PPP3CA: variants seen among roughly 807,000 people sequenced by gnomAD.
PPP3CA encodes the protein CAM-PRP catalytic subunit.
PPP3CA carries 14 observed loss-of-function variants against 66.5 expected under a neutral mutation model. That is an observed-to-expected ratio of 0.21 (90% CI 0.14 to 0.33). The LOEUF is 0.33. PPP3CA is among the 10% of genes least tolerant of loss of function. The pLI, the probability that PPP3CA is intolerant of heterozygous loss-of-function variation, is 1.00. For missense variants in PPP3CA, 317 were observed against 639.5 expected (o/e 0.50, Z 5.44); for synonymous variants, 232 against 226.2 (o/e 1.03, Z -0.23).
chr4:101,266,626 A>C (rs1429599038), intron 1 of PPP3CA, among the ~76,000 whole-genome samples: 1 of 152,166 alleles, frequency 6.6e-6, no homozygotes, highest in African/African-American at 2.4e-5. Context: ...AAACATGAAG[A>C]AATTTCTTTA....
intron 1 of PPP3CA, among the ~76,000 whole-genome samples, chr4:101,210,770 A>G (rs191643585): frequency 1.3e-5 from 2 of 152,302 alleles, no homozygotes; most frequent in East Asian, 3.9e-4. Context: ...AATATAAAAC[A>G]TTCGCTGCCA....
intron 5 of PPP3CA, among the ~76,000 whole-genome samples, chr4:101,097,279 A>G (rs1350038596): frequency 2.0e-5 from 3 of 152,152 alleles, no homozygotes; most frequent in African/African-American, 7.2e-5. Flanking sequence ...ATTACTGGTG[A>G]GAATAATAAT....
chr4:101,272,182 T>C (rs910319117), intron 1 of PPP3CA, among the ~76,000 whole-genome samples: 1 of 152,216 alleles, frequency 6.6e-6, no homozygotes, highest in Non-Finnish European at 1.5e-5. Context: ...ATCCTAGTTA[T>C]AGCACTTAAT....
intron 11 of PPP3CA, among the ~76,000 whole-genome samples, chr4:101,032,673 G>GTGTT (rs1047516288): frequency 3.1e-4 from 47 of 152,256 alleles, no homozygotes; most frequent in African/African-American, 1.1e-3. Flanking sequence ...TCAATACAAA[G>GTGTT]TGTTTGTTGT....
At chr4:101,145,135 TATA>T (rs1263530543) in intron 2 of PPP3CA, among the ~76,000 whole-genome samples, 5 of 152,164 alleles carry the variant, frequency 3.3e-5, no homozygotes. Context: ...CTGCTCTATA[TATA>T]ATGTTTTCAG....
At chr4:101,342,489 G>A (rs1729848866) in intron 1 of PPP3CA, among the ~76,000 whole-genome samples, 5 of 152,138 alleles carry the variant, frequency 3.3e-5, no homozygotes, top group Admixed American at 3.3e-4. Flanking sequence ...TTTGCATACT[G>A]TTCACTAAGT....
chr4:101,121,844 A>G (rs918782328), intron 2 of PPP3CA, among the ~76,000 whole-genome samples: 1 of 152,136 alleles, frequency 6.6e-6, no homozygotes, highest in Admixed American at 6.5e-5. Flanking sequence ...AACAGAAAAC[A>G]GATGGGGCCT....
At chr4:101,052,860 G>A (rs1180482303) in intron 10 of PPP3CA, among the ~76,000 whole-genome samples, 3 of 151,916 alleles carry the variant, frequency 2.0e-5, no homozygotes, top group Non-Finnish European at 2.9e-5. Flanking sequence ...CTTTTCAGAA[G>A]TAGAAAAAGA....
chr4:101,269,024 T>C (rs942478710), intron 1 of PPP3CA, among the ~76,000 whole-genome samples: 5 of 152,152 alleles, frequency 3.3e-5, no homozygotes, highest in South Asian at 2.1e-4. Context: ...TCATGTCTAA[T>C]TGTACCAACT....
At chr4:101,030,111 G>T (rs1174959465) in intron 12 of PPP3CA, among the ~76,000 whole-genome samples, 2 of 152,062 alleles carry the variant, frequency 1.3e-5, no homozygotes, top group Non-Finnish European at 2.9e-5. Context: ...TAAGGTTAGG[G>T]TCTAAACTTC....
chr4:101,334,854 C>T (rs1281852181), intron 1 of PPP3CA, among the ~76,000 whole-genome samples: 2 of 152,068 alleles, frequency 1.3e-5, no homozygotes, highest in Non-Finnish European at 2.9e-5. Flanking sequence ...CTACGAAACA[C>T]TAGGATAAAC....
At chr4:101,236,079 T>C (rs909020910) in intron 1 of PPP3CA, among the ~76,000 whole-genome samples, 15 of 148,406 alleles carry the variant, frequency 1.0e-4, no homozygotes, top group African/African-American at 2.2e-4. Flanking sequence ...CCTGTACTCA[T>C]AGAATTTGTA....
intron 1 of PPP3CA, among the ~76,000 whole-genome samples, chr4:101,298,339 GATATAT>G (rs3078022): frequency 7.0e-6 from 1 of 143,778 alleles, no homozygotes; most frequent in Non-Finnish European, 1.5e-5. Flanking sequence ...CAAGCAGGGA[GATATAT>G]ATATATATAT....
intron 2 of PPP3CA, among the ~76,000 whole-genome samples, chr4:101,119,215 A>T (rs542225312): frequency 2.0e-5 from 3 of 152,150 alleles, no homozygotes; most frequent in African/African-American, 7.2e-5. Flanking sequence ...GTATGCTATC[A>T]TATATTGAAA....
At chr4:101,210,470 C>T (rs546465521) in intron 1 of PPP3CA, among the ~76,000 whole-genome samples, 2 of 152,250 alleles carry the variant, frequency 1.3e-5, no homozygotes, top group South Asian at 4.1e-4. Flanking sequence ...TTGTAAAGTG[C>T]TTGGACCATT....
At chr4:101,083,131 G>T in intron 7 of PPP3CA, 55 bp downstream of exon 7, 2 of 1,306,006 alleles carry the variant, frequency 1.5e-6, no homozygotes, top group Non-Finnish European at 1.0e-6. Context: ...GCAAAGTGAG[G>T]AAGTTCTGGA....
intron 1 of PPP3CA, among the ~76,000 whole-genome samples, chr4:101,262,553 G>C (rs961262866): frequency 6.6e-6 from 1 of 152,070 alleles, no homozygotes; most frequent in Non-Finnish European, 1.5e-5. Flanking sequence ...GGAACCTTAG[G>C]AAGTGGCTAG....
chr4:101,085,697 C>A (rs1238756879), intron 6 of PPP3CA, among the ~76,000 whole-genome samples: 1 of 152,076 alleles, frequency 6.6e-6, no homozygotes, highest in Admixed American at 6.5e-5. Flanking sequence ...CCCACTGTTG[C>A]TGAACTATTT....
intron 1 of PPP3CA, among the ~76,000 whole-genome samples, chr4:101,309,064 C>T (rs975726925): frequency 1.3e-5 from 2 of 152,006 alleles, no homozygotes; most frequent in Non-Finnish European, 2.9e-5. Context: ...GCTATTGAGG[C>T]TACAGTGAGC....
Sources: allele counts gnomAD v4.1 joint callset (sites outside exome capture counted in the v4.1 genomes callset), GRCh38; gene constraint gnomAD v4.1.1; transcripts MANE v1.5; gene names NCBI Gene and HGNC (gene_info 2026-07-23, HGNC 2026-07-21).